Variants in PHF20 observed in about 807,000 individuals in gnomAD.
PHF20 encodes the protein glioma-expressed antigen 2.
PHF20 carries 23 observed loss-of-function variants against 113.5 expected under a neutral mutation model. The observed-to-expected ratio is 0.20, with a 90% CI of 0.15 to 0.29. PHF20 has a LOEUF of 0.29. Among genes scored for constraint, PHF20 ranks in the 10% least tolerant of loss-of-function variants. The pLI is 1.00. For missense variants in PHF20, 943 were observed against 1,219.6 expected, an observed-to-expected ratio of 0.77 and a Z score of 3.38; for synonymous variants, 434 against 457.3, an observed-to-expected ratio of 0.95 and a Z score of 0.65.
Position 35,863,164 on chromosome 20 carries a change from C to T in PHF20, c.572C>T (p.Pro191Leu), listed in dbSNP as rs774172000. Residue 191 changes from proline (P) to leucine (L), a missense_variant, in exon 6 of 18, where the codon CCC becomes CTC. Around this residue, in one of 3 missense-constraint regions of PHF20, gnomAD observed 592 missense variants for 787.2 expected, o/e 0.75. Coordinates refer to ENST00000374012, the MANE Select transcript of PHF20 (RefSeq NM_016436.5). ...EDKPLKTEKRPKQPDKEGKLI... is the reference protein window; with the variant it reads ...EDKPLKTEKRLKQPDKEGKLI... ...AAACCCTTAAAGACAGAAAAGCGAC[C>T]CAAGCAGCCTGATAAAGAAGGAAAG... The T allele has an allele frequency of 1.9e-6, 3 of 1,613,246 alleles. No individual in the cohort carries two copies. The East Asian group carries it at 6.7e-5, about 36-fold the overall frequency.
At chr20:35,895,512 A>G (rs1232285257) in intron 9 of PHF20, among the ~76,000 whole-genome samples, 1 of 152,104 alleles carries the variant, frequency 6.6e-6, no homozygotes, top group South Asian at 2.1e-4. Context: ...ATTTAACCTA[A>G]TATAGATCAA....
chr20:35,874,756 A>G (rs2054487392), intron 9 of PHF20, among the ~76,000 whole-genome samples: 1 of 151,966 alleles, frequency 6.6e-6, no homozygotes, highest in African/African-American at 2.4e-5. Context: ...TTTTTTTTGA[A>G]TAGTTTTTTT....
intron 12 of PHF20, chr20:35,917,243 T>C: frequency 3.3e-6 from 2 of 597,728 alleles, no homozygotes; most frequent in Non-Finnish European, 6.4e-6. Flanking sequence ...CCACTGCCGT[T>C]GGGCTTCATT....
chr20:35,907,545 C>A (rs2055222321), intron 10 of PHF20, among the ~76,000 whole-genome samples: 1 of 152,232 alleles, frequency 6.6e-6, no homozygotes, highest in Admixed American at 6.5e-5. Context: ...AAGAATATTG[C>A]AAGCAAGATA....
At chr20:35,873,189 C>T (rs1420234067) in intron 9 of PHF20, among the ~76,000 whole-genome samples, 1 of 151,682 alleles carries the variant, frequency 6.6e-6, no homozygotes, top group Admixed American at 6.6e-5. Flanking sequence ...CAACCTCTGC[C>T]TCCTGGGTTC....
intron 10 of PHF20, among the ~76,000 whole-genome samples, chr20:35,905,584 C>T (rs1435317273): frequency 2.6e-5 from 4 of 152,174 alleles, no homozygotes; most frequent in African/African-American, 9.7e-5. Context: ...TAGTCTGGCA[C>T]CTTGATCTTG....
At chr20:35,864,381 G>T (rs1177519632) in intron 6 of PHF20, among the ~76,000 whole-genome samples, 2 of 146,966 alleles carry the variant, frequency 1.4e-5, no homozygotes, top group Non-Finnish European at 3.0e-5. Flanking sequence ...AACCAGCCTG[G>T]ACAATGTAGT....
At chr20:35,898,149 A>G (rs2055025435) in intron 9 of PHF20, among the ~76,000 whole-genome samples, 2 of 152,346 alleles carry the variant, frequency 1.3e-5, no homozygotes, top group African/African-American at 2.4e-5. Context: ...TGCTGAGATT[A>G]CAGGCGTGAG....
intron 9 of PHF20, among the ~76,000 whole-genome samples, chr20:35,889,554 A>T (rs1600884378): frequency 6.6e-6 from 1 of 150,784 alleles, no homozygotes; most frequent in South Asian, 2.1e-4. Context: ...GTAGAGATAG[A>T]GTTTCACCAT....
intron 2 of PHF20, among the ~76,000 whole-genome samples, chr20:35,812,610 A>AT (rs1395357273): frequency 6.6e-6 from 1 of 151,794 alleles, no homozygotes; most frequent in Admixed American, 6.6e-5. Context: ...CAGATTAAAC[A>AT]TTTTTTTTGC....
chr20:35,917,497 G>A lies in PHF20; in HGVS notation c.1839G>A (p.Leu613=), dbSNP rs2055427200. 1 of 1,613,558 alleles carries A rather than the reference G, an allele frequency of 6.2e-7. No homozygotes were observed. The highest frequency in any genetic ancestry group is 1.3e-5 in the African/African-American group (1 of 74,916). ...CTTTCCTCGTAGAGGAGGATAATTT[G>A]AGTGAGTCCTCTTCTGAGAGCTTTC... ...GKVKALEEDN[L]SESSSESFLW... is the part of the protein sequence containing the mutation. The change falls in exon 13 of 18, where the codon TTG becomes TTA. Residue 613 remains leucine (L), a synonymous_variant. Transcript: ENST00000374012.
Position 35,914,042 on chromosome 20 carries a change from G to A in PHF20, c.1670G>A (p.Cys557Tyr). 6.2e-7 allele frequency: 1 copy of A among 1,614,094 alleles called. No individual in the cohort carries two copies. The highest frequency in any genetic ancestry group is 8.5e-7 in the Non-Finnish European group (1 of 1,179,996). ...KKKKTKPECP[C>Y]SEEISDTSQE... ...GATCCTGTTCTTCCAGAATGCCCCTGCAGTGAGGAGATCAGTGACACCTCC... is the reference window on the plus strand; with the variant it reads ...GATCCTGTTCTTCCAGAATGCCCCTACAGTGAGGAGATCAGTGACACCTCC... Residue 557 changes from cysteine to tyrosine, a missense_variant, in exon 12 of 18, where the codon TGC (cysteine) becomes TAC (tyrosine). Around this residue, in one of 3 missense-constraint regions of PHF20, gnomAD observed 592 missense variants for 787.2 expected, o/e 0.75. Transcript: ENST00000374012.
intron 9 of PHF20, chr20:35,878,462 C>G (rs189047994): frequency 1.2e-4 from 68 of 553,384 alleles, no homozygotes; most frequent in African/African-American, 1.0e-3. Flanking sequence ...ACTATGTCGA[C>G]AAACACAGAT....
At chr20:35,842,532 TG>T in intron 2 of PHF20, 40 bp from the exon 3 acceptor site, 1 of 1,532,586 alleles carries the variant, frequency 6.5e-7, no homozygotes, top group South Asian at 1.2e-5. Context: ...ATATTTGGGG[TG>T]GGTATTAAAG....
chr20:35,898,438 A>AT (rs1037081434), intron 9 of PHF20, among the ~76,000 whole-genome samples: 3 of 151,826 alleles, frequency 2.0e-5, no homozygotes, highest in African/African-American at 7.2e-5. Context: ...TATTTTATTT[A>AT]TTTTTTATTT....
chr20:35,841,338 G>A (rs1309635334), intron 2 of PHF20, among the ~76,000 whole-genome samples: 1 of 151,870 alleles, frequency 6.6e-6, no homozygotes, highest in African/African-American at 2.4e-5. Context: ...GTGAGACCCT[G>A]TCTCAATCAA....
chr20:35,810,161 C>T (rs2041951935), intron 2 of PHF20, among the ~76,000 whole-genome samples: 1 of 152,036 alleles, frequency 6.6e-6, no homozygotes, highest in Admixed American at 6.6e-5. Flanking sequence ...AACTCGTGAC[C>T]TCAGGTGATC....
intron 9 of PHF20, among the ~76,000 whole-genome samples, chr20:35,892,568 CAT>C (rs1284378789): frequency 5.3e-5 from 8 of 152,148 alleles, no homozygotes; most frequent in Non-Finnish European, 7.3e-5. Context: ...AAAAAGTTAA[CAT>C]AAACATTTTA....
intron 17 of PHF20, among the ~76,000 whole-genome samples, chr20:35,944,856 C>T (rs934446719): frequency 5.9e-5 from 9 of 152,192 alleles, no homozygotes; most frequent in Admixed American, 2.0e-4. Context: ...CGTGCACGTC[C>T]GGCCTCTCCA....
Sources: gnomAD v4.1 joint callset for allele counts (sites outside exome capture counted in the v4.1 genomes callset) on GRCh38, gnomAD v4.1.1 for gene constraint, gnomAD v4.1.1 regional missense constraint, MANE v1.5 for transcripts, NCBI Gene and HGNC (gene_info 2026-07-23, HGNC 2026-07-21) for gene names.